The following CCDC148 variants were observed in gnomAD, a reference collection of about 807,000 sequenced individuals.
CCDC148 encodes the protein coiled-coil domain-containing protein 148.
Under a neutral mutation model 85.7 loss-of-function variants are expected in CCDC148, and 89 were observed. The ratio of observed to expected loss-of-function variants is 1.04; its 90% CI spans 0.87 to 1.24. The LOEUF is 1.24. Ranked by LOEUF, CCDC148 falls within the 50% of genes most tolerant of loss-of-function variation. The pLI, the probability that CCDC148 is intolerant of heterozygous loss-of-function variation, is 0.00. For missense variants in CCDC148, 692 were observed against 671.7 expected, an observed-to-expected ratio of 1.03 and a Z score of -0.33; for synonymous variants, 230 against 213.9, an observed-to-expected ratio of 1.08 and a Z score of -0.66.
At chr2:158,321,742 G>A (rs1323273595) in intron 7 of CCDC148, among the ~76,000 whole-genome samples, 2 of 152,180 alleles carry the variant, frequency 1.3e-5, no homozygotes, top group Non-Finnish European at 2.9e-5. Flanking sequence ...GCCACACAGT[G>A]TTTCTTGAGT....
chr2:158,397,809 G>A (rs1685593979), intron 1 of CCDC148, among the ~76,000 whole-genome samples: 1 of 151,996 alleles, frequency 6.6e-6, no homozygotes, highest in African/African-American at 2.4e-5. Context: ...TGGGCTAGGT[G>A]CCCCCAATTA....
intron 1 of CCDC148, among the ~76,000 whole-genome samples, chr2:158,431,678 C>G (rs890558715): frequency 1.3e-5 from 2 of 152,208 alleles, no homozygotes; most frequent in Non-Finnish European, 2.9e-5. Flanking sequence ...TGGCTCATGC[C>G]TATAACCCCA....
At chr2:158,406,607 A>G (rs941247363) in intron 1 of CCDC148, among the ~76,000 whole-genome samples, 1 of 46,066 alleles carries the variant, frequency 2.2e-5, no homozygotes, top group Non-Finnish European at 5.2e-5. Context: ...TAAACAGATT[A>G]AATTTCTTTT....
intron 7 of CCDC148, among the ~76,000 whole-genome samples, chr2:158,329,090 AT>A (rs1692951145): frequency 6.6e-6 from 1 of 152,172 alleles, no homozygotes; most frequent in Admixed American, 6.5e-5. Context: ...GTCCTTGCCC[AT>A]GCCTATGTCC....
rs901431407 is a variant in CCDC148, at chr2:158,221,975, T to A, written c.1252-1262A>T. Among the ~76,000 whole-genome samples the A allele has an allele frequency of 5.9e-5, 9 of 152,226 alleles. No individual in the cohort carries two copies. In the South Asian group the frequency reaches 1.9e-3, roughly 32 times the overall value. ...TCCTAACTGATAAATGCCAGGGAAT[T>A]CTATTAATGACAGATACGGAAATGT... On this transcript the variant is annotated intron_variant, in intron 10 of 13. Transcript: ENST00000283233.
intron 1 of CCDC148, among the ~76,000 whole-genome samples, chr2:158,379,909 T>C (rs115467410): frequency 0.022 from 3,325 of 152,226 alleles, 93 homozygotes; most frequent in Non-Finnish European, 0.024. Flanking sequence ...TTTACTGTAG[T>C]GGTCTGGAAT....
intron 1 of CCDC148, among the ~76,000 whole-genome samples, chr2:158,391,295 T>C (rs1156741154): frequency 6.6e-6 from 1 of 152,194 alleles, no homozygotes; most frequent in African/African-American, 2.4e-5. Flanking sequence ...ATATTTATCA[T>C]GAACATTTAA....
intron 9 of CCDC148, among the ~76,000 whole-genome samples, chr2:158,279,478 T>C (rs1279150034): frequency 3.3e-5 from 5 of 152,152 alleles, no homozygotes; most frequent in Non-Finnish European, 5.9e-5. Flanking sequence ...ACGTGAAGAA[T>C]GCAGAAGCCT....
At chr2:158,333,133 T>C (rs1422887826) in intron 7 of CCDC148, among the ~76,000 whole-genome samples, 9 of 152,198 alleles carry the variant, frequency 5.9e-5, no homozygotes, top group African/African-American at 9.6e-5. Flanking sequence ...TTTTAGATCT[T>C]TCCTGCTTTC....
intron 1 of CCDC148, among the ~76,000 whole-genome samples, chr2:158,417,714 T>C (rs1016959228): frequency 6.6e-6 from 1 of 152,166 alleles, no homozygotes; most frequent in African/African-American, 2.4e-5. Context: ...TAAATTAAGC[T>C]TGTCTAATTC....
chr2:158,353,269 G>T (rs1683423769), intron 2 of CCDC148, among the ~76,000 whole-genome samples: 1 of 129,314 alleles, frequency 7.7e-6, no homozygotes, highest in African/African-American at 2.9e-5. Context: ...CCAATTAAAA[G>T]ACACAGACTG....
In CCDC148 at chr2:158,428,291, G is replaced by A. The variant is rs191509970; in HGVS notation, c.25+28124C>T. On this transcript the variant is annotated intron_variant, in intron 1 of 13. Transcript: ENST00000283233. ...GGTAAAACTACAGAACTTGCTGATG[G>A]AGAGAATATACAAGGTGGTAGGGTC... 2.7e-3 allele frequency among the ~76,000 whole-genome samples: 413 copies of A among 152,228 alleles called. 3 individuals carry two copies. The highest frequency in any genetic ancestry group is 4.3e-3 in the Non-Finnish European group (295 of 68,020).
intron 1 of CCDC148, among the ~76,000 whole-genome samples, chr2:158,403,150 T>C (rs913921218): frequency 1.3e-5 from 2 of 152,194 alleles, no homozygotes; most frequent in South Asian, 4.2e-4. Flanking sequence ...TTCATTTTTT[T>C]AAAATCAAAC....
intron 1 of CCDC148, among the ~76,000 whole-genome samples, chr2:158,370,133 G>A (rs1405641321): frequency 1.3e-5 from 2 of 151,942 alleles, no homozygotes; most frequent in Non-Finnish European, 2.9e-5. Context: ...GGCCTGTCAG[G>A]GGGTTAGTGG....
intron 7 of CCDC148, among the ~76,000 whole-genome samples, chr2:158,318,785 T>C (rs964770593): frequency 5.3e-5 from 8 of 152,078 alleles, no homozygotes; most frequent in Non-Finnish European, 1.0e-4. Flanking sequence ...TGTTTTTTTT[T>C]TGGAGACAGG....
At chr2:158,440,200 G>T (rs1221492057) in intron 1 of CCDC148, among the ~76,000 whole-genome samples, 1 of 152,090 alleles carries the variant, frequency 6.6e-6, no homozygotes, top group East Asian at 1.9e-4. Context: ...ATCAAGTGTT[G>T]ACAAGAATGT....
chr2:158,213,349 A>G (rs142253296), intron 11 of CCDC148, among the ~76,000 whole-genome samples: 1 of 152,366 alleles, frequency 6.6e-6, no homozygotes, highest in Non-Finnish European at 1.5e-5. Flanking sequence ...TTAAAACATT[A>G]AAATTAGCAC....
chr2:158,416,710 C>A lies in CCDC148; in HGVS notation c.25+39705G>T, dbSNP rs560005692. On this transcript the variant is annotated intron_variant, in intron 1 of 13. Coordinates refer to ENST00000283233, the MANE Select transcript of CCDC148 (RefSeq NM_138803.4). Reference sequence around the variant, plus strand: ...TCCAAGCTTTTCCTCATCTTTCTGTCTTCTTCTGAGCCCTCTGCACTCTTC... The same window carrying A: ...TCCAAGCTTTTCCTCATCTTTCTGTATTCTTCTGAGCCCTCTGCACTCTTC... 5.3e-5 allele frequency among the ~76,000 whole-genome samples: 8 copies of A among 152,310 alleles called. No homozygotes were observed. The East Asian group carries it at 1.4e-3, about 26-fold the overall frequency.
intron 1 of CCDC148, among the ~76,000 whole-genome samples, chr2:158,381,914 C>T (rs1201125052): frequency 6.6e-6 from 1 of 152,010 alleles, no homozygotes; most frequent in Non-Finnish European, 1.5e-5. Context: ...TGTTTCATGC[C>T]CCCACCCCCT....
Sources: allele counts gnomAD v4.1 joint callset (sites outside exome capture counted in the v4.1 genomes callset), GRCh38; gene constraint gnomAD v4.1.1; transcripts MANE v1.5; gene names NCBI Gene and HGNC (gene_info 2026-07-23, HGNC 2026-07-21).